XIRP2: variants seen among roughly 807,000 people sequenced by gnomAD.
XIRP2 encodes the protein xin actin-binding repeat-containing protein 2.
Under a neutral mutation model 277.0 loss-of-function variants are expected in XIRP2, and 236 were observed. That is an observed-to-expected ratio of 0.85 (90% CI 0.77 to 0.95). XIRP2 has a LOEUF of 0.95. XIRP2 is among the 40% of genes least tolerant of loss of function. The pLI is 0.00. For synonymous variants in XIRP2, 1,490 were observed against 1,416.5 expected, an observed-to-expected ratio of 1.05 and a Z score of -1.17; for missense variants, 4,640 against 4,157.5, an observed-to-expected ratio of 1.12 and a Z score of -3.19.
intron 2 of XIRP2, among the ~76,000 whole-genome samples, chr2:167,040,863 C>T (rs981639109): frequency 6.6e-6 from 1 of 152,194 alleles, no homozygotes; most frequent in African/African-American, 2.4e-5. Context: ...TCTCCACTAA[C>T]GTGCACCAAC....
At chr2:167,017,741 G>T (rs1687869969) in intron 2 of XIRP2, among the ~76,000 whole-genome samples, 1 of 151,924 alleles carries the variant, frequency 6.6e-6, no homozygotes, top group Non-Finnish European at 1.5e-5. Context: ...TCACGTGCCA[G>T]ATGCTAATGA....
intron 2 of XIRP2, among the ~76,000 whole-genome samples, chr2:167,086,890 G>A (rs1346095579): frequency 6.6e-6 from 1 of 152,142 alleles, no homozygotes; most frequent in African/African-American, 2.4e-5. Context: ...TGGTCTGAAT[G>A]TCCTCCTGTA....
chr2:167,087,930 C>T (rs1438970567), intron 2 of XIRP2, among the ~76,000 whole-genome samples: 1 of 152,140 alleles, frequency 6.6e-6, no homozygotes, highest in Non-Finnish European at 1.5e-5. Context: ...GAGCTGTAGA[C>T]CAGAGCTGTT....
At chr2:166,893,191 C>T (rs6731571) in intron 1 of XIRP2, among the ~76,000 whole-genome samples, 36,619 of 151,644 alleles carry the variant, frequency 0.24, 4,643 homozygotes, top group Admixed American at 0.29. Flanking sequence ...ATTAGAGTAA[C>T]TGGTGGGAAA....
At position 167,249,249 on chromosome 2, in the gene XIRP2, G is replaced by A; in HGVS notation, c.7857G>A (p.Arg2619=). 1.2e-6 allele frequency: 2 copies of A among 1,613,736 alleles called. No individual in the cohort carries two copies. The highest frequency in any genetic ancestry group is 1.7e-6 in the Non-Finnish European group (2 of 1,179,770). Residue 2619 remains arginine, a synonymous_variant, in exon 9 of 11, where the codon CGG becomes CGA. Coordinates refer to ENST00000409195, the MANE Select transcript of XIRP2 (RefSeq NM_152381.6). ...GCCCAGGCTCTCAAAGTAATGCTCG[G>A]ATACTAGGAGTGTGTTCTGATAACC... is the stretch of plus-strand genomic sequence containing the variant. ...QPSPGSQSNA[R]ILGVCSDNQL...
At chr2:167,129,869 CAAAAAA>C (rs11335228) in intron 2 of XIRP2, among the ~76,000 whole-genome samples, 4 of 96,992 alleles carry the variant, frequency 4.1e-5, no homozygotes, top group African/African-American at 1.2e-4. Context: ...AACTCAGTCT[CAAAAAA>C]AAAAAAAAAA....
chr2:167,137,653 AACC>A (rs778831226), intron 3 of XIRP2, among the ~76,000 whole-genome samples: 5 of 152,202 alleles, frequency 3.3e-5, no homozygotes, highest in Non-Finnish European at 5.9e-5. Context: ...TCTGGAGTGT[AACC>A]ACTATTTACT....
chr2:166,892,192 C>A (rs1684121857), intron 1 of XIRP2, among the ~76,000 whole-genome samples: 1 of 151,982 alleles, frequency 6.6e-6, no homozygotes, highest in Non-Finnish European at 1.5e-5. Flanking sequence ...GTTTTTTATT[C>A]TCAAATTGGC....
chr2:166,952,669 T>C (rs1254783630), intron 2 of XIRP2, among the ~76,000 whole-genome samples: 2 of 152,018 alleles, frequency 1.3e-5, no homozygotes, highest in Non-Finnish European at 2.9e-5. Context: ...ACAACTTTCA[T>C]TGGTTCAACT....
rs1695031859 is a variant in XIRP2 at position 167,240,515 on chromosome 2, TA to T, written c.970-145del. ...TTCTTTTATAAGCGAATCTATGTATTAAAATAAATGATAGCAGCTTAATTAG... is the reference window on the plus strand; with the variant it reads ...TTCTTTTATAAGCGAATCTATGTATTAAATAAATGATAGCAGCTTAATTAG... On this transcript the variant is annotated intron_variant, in intron 6 of 10. Coordinates refer to ENST00000409195, the MANE Select transcript of XIRP2 (RefSeq NM_152381.6). 2.4e-5 allele frequency: 16 copies of T among 654,794 alleles called. 1 individual carries two copies. Among genetic ancestry groups the T allele is most frequent in the South Asian group, 1.6e-4 (8 of 50,412 alleles). The allele number at this position is 654,794 out of a possible 1,614,324, so 40.6% of individuals were successfully genotyped here. A position where few individuals can be genotyped will look rare whatever the true frequency, so the allele number is the denominator to read the frequency against.
rs751843822 is a variant in XIRP2, at chr2:167,246,598, G to T, written c.5206G>T (p.Asp1736Tyr). ...TAAAATATCTGAAAGGGCTAAAATT[G>T]ATGCCTCTGAGAGAGGAAATGTTCA... ...NNKISERAKIDASERGNVQFF... is the reference protein window; with the variant it reads ...NNKISERAKIYASERGNVQFF... Residue 1736 changes from aspartate to tyrosine, a missense_variant, in exon 9 of 11, where the codon GAT (aspartate) becomes TAT (tyrosine). Transcript: ENST00000409195. 1 of 1,613,636 alleles carries T rather than the reference G, an allele frequency of 6.2e-7. No individual in the cohort carries two copies.
At chr2:167,172,215 T>G (rs1368084585) in intron 3 of XIRP2, among the ~76,000 whole-genome samples, 1 of 152,072 alleles carries the variant, frequency 6.6e-6, no homozygotes, top group Non-Finnish European at 1.5e-5. Context: ...ACCAACAAGT[T>G]TTTATTAGTG....
intron 2 of XIRP2, among the ~76,000 whole-genome samples, chr2:166,942,806 G>A (rs1685755428): frequency 6.6e-6 from 1 of 152,042 alleles, no homozygotes; most frequent in South Asian, 2.1e-4. Context: ...AAGCCTTGAA[G>A]AGAGACTGTT....
intron 5 of XIRP2, among the ~76,000 whole-genome samples, chr2:167,236,919 T>C (rs1289099221): frequency 2.0e-5 from 3 of 152,098 alleles, no homozygotes; most frequent in Admixed American, 6.6e-5. Context: ...AATTAGAAAG[T>C]CAGATTTTAA....
At chr2:167,039,987 C>G (rs1441528325) in intron 2 of XIRP2, among the ~76,000 whole-genome samples, 1 of 152,020 alleles carries the variant, frequency 6.6e-6, no homozygotes, top group Non-Finnish European at 1.5e-5. Flanking sequence ...AAACAATTAT[C>G]TATCAGTAAG....
chr2:167,191,221 G>A (rs1340454467), intron 3 of XIRP2, among the ~76,000 whole-genome samples: 4 of 145,142 alleles, frequency 2.8e-5, no homozygotes, highest in Non-Finnish European at 6.2e-5. Flanking sequence ...AAGAAAGAAA[G>A]AAAAGAAAAG....
intron 3 of XIRP2, among the ~76,000 whole-genome samples, chr2:167,180,525 T>C (rs1692982424): frequency 6.6e-6 from 1 of 152,232 alleles, no homozygotes; most frequent in African/African-American, 2.4e-5. Context: ...TTGCAGTCTA[T>C]TTTAGTCTTC....
At chr2:167,182,357 A>G (rs969112541) in intron 3 of XIRP2, among the ~76,000 whole-genome samples, 1 of 152,200 alleles carries the variant, frequency 6.6e-6, no homozygotes, top group African/African-American at 2.4e-5. Context: ...ATTACATATC[A>G]GATGACTGAA....
At chr2:167,026,291 T>A (rs967525537) in intron 2 of XIRP2, among the ~76,000 whole-genome samples, 1 of 152,110 alleles carries the variant, frequency 6.6e-6, no homozygotes, top group South Asian at 2.1e-4. Flanking sequence ...TGCCTTTTTT[T>A]GTTTTCCATT....
Sources: allele counts gnomAD v4.1 joint callset (sites outside exome capture counted in the v4.1 genomes callset), GRCh38; gene constraint gnomAD v4.1.1; transcripts MANE v1.5; gene names NCBI Gene and HGNC (gene_info 2026-07-23, HGNC 2026-07-21).